MAP1A: variants seen among roughly 807,000 people sequenced by gnomAD.
The protein encoded by MAP1A is microtubule associated protein 1A, also known as microtubule-associated protein 1A.
Under a neutral mutation model 185.9 loss-of-function variants are expected in MAP1A, and 42 were observed. That is an observed-to-expected ratio of 0.23 (90% CI 0.18 to 0.29). MAP1A has a LOEUF of 0.29. Among genes scored for constraint, MAP1A ranks in the 10% least tolerant of loss-of-function variants. MAP1A has a pLI of 1.00. For synonymous variants in MAP1A, 1,229 were observed against 1,335.9 expected, an observed-to-expected ratio of 0.92 and a Z score of 1.74; for missense variants, 2,995 against 3,450.4, an observed-to-expected ratio of 0.87 and a Z score of 3.31.
In MAP1A at chr15:43,529,283, C is replaced by A; in HGVS notation, c.7810C>A (p.Arg2604=). The A allele has an allele frequency of 6.2e-7, 1 of 1,612,674 alleles. No individual in the cohort carries two copies. The highest frequency in any genetic ancestry group is 8.5e-7 in the Non-Finnish European group (1 of 1,179,458). Residue 2604 remains arginine (R), a synonymous_variant, in exon 4 of 6, where the codon CGA becomes AGA. Transcript: ENST00000300231. This position sits in a 1 kb window ranked among gnomAD's most constrained non-coding sequence, Gnocchi z 4.3. The part of the protein sequence containing the change: ...RLREKEKVQG[R]VGRRAPGKAK... The stretch of plus-strand genomic sequence containing the variant: ...ACGGGAGAAGGAAAAGGTTCAGGGG[C>A]GAGTAGGGCGCAGGGCCCCAGGCAA...
rs756868415 is a variant in MAP1A, at chr15:43,524,319, A to T, written c.2846A>T (p.Glu949Val). 1.2e-6 allele frequency: 2 copies of T among 1,614,238 alleles called. No individual in the cohort carries two copies. The highest frequency in any genetic ancestry group is 1.7e-6 in the Non-Finnish European group (2 of 1,180,030). ...EEEEEETANV[E>V]MSEKLCSQYG... ...GAAGAGGAGGAGACAGCAAACGTAG[A>T]GATGTCTGAGAAACTTTGCAGTCAA... Residue 949 changes from glutamate to valine, a missense_variant, in exon 4 of 6, where the codon GAG (glutamate) becomes GTG (valine). Transcript: ENST00000300231.
Position 43,521,138 on chromosome 15 carries a change from G to A in MAP1A, c.-151+26G>A. ...GTAAGTTCCATGCCAGAGTGTCTGG[G>A]AGAAAGGGTAGCACTAGAGCTGTGG... On this transcript the variant is annotated intron_variant, in intron 3 of 5. Transcript: ENST00000300231. This position sits in a 1 kb window ranked among gnomAD's most constrained non-coding sequence, Gnocchi z 4.6. 2 of 1,538,606 alleles carry A rather than the reference G, an allele frequency of 1.3e-6. No individual in the cohort carries two copies. The highest frequency in any genetic ancestry group is 1.2e-5 in the South Asian group (1 of 83,450).
chr15:43,528,286 G>A lies in MAP1A; in HGVS notation c.6813G>A (p.Val2271=). The part of the protein sequence containing the change: ...SEATTPVISS[V]AERFSPSLEA... ...CTACCACGCCTGTGATTTCAAGTGT[G>A]GCGGAGCGCTTCTCTCCAAGCCTTG... The change falls in exon 4 of 6, where the codon GTG becomes GTA. Residue 2271 remains valine (V), a synonymous_variant. Transcript: ENST00000300231. 17 of 1,614,076 alleles carry A rather than the reference G, an allele frequency of 1.1e-5. No individual in the cohort carries two copies. Among genetic ancestry groups the A allele is most frequent in the Non-Finnish European group, 1.3e-5 (15 of 1,180,042 alleles).
chr15:43,521,405 C>T lies in MAP1A; in HGVS notation c.-69C>T, dbSNP rs772288277. The T allele has an allele frequency of 2.9e-5, 47 of 1,613,882 alleles. No homozygotes were observed. Among genetic ancestry groups the T allele is most frequent in the Non-Finnish European group, 3.7e-5 (44 of 1,179,994 alleles). ...CTGCTTAGGGGAAGGTGATTGGAGCCACCTGGGATTATCCAGTTCCCAAGA... is the reference window on the plus strand; with the variant it reads ...CTGCTTAGGGGAAGGTGATTGGAGCTACCTGGGATTATCCAGTTCCCAAGA... On this transcript the variant is annotated 5_prime_UTR_variant, in exon 4 of 6. Transcript: ENST00000300231. The surrounding 1 kb of genome is among the most constrained non-coding windows in gnomAD (Gnocchi z 4.6).
chr15:43,513,174 A>T (rs2079288060), upstream of MAP1A, among the ~76,000 whole-genome samples: 1 of 151,894 alleles, frequency 6.6e-6, no homozygotes. Context: ...TAAAAAATAC[A>T]AAACTAGCTG....
In MAP1A at chr15:43,526,480, G is replaced by C; in HGVS notation, c.5007G>C (p.Pro1669=). The change falls in exon 4 of 6, where the codon CCG becomes CCC. Residue 1669 remains proline, a synonymous_variant. Coordinates refer to ENST00000300231, the MANE Select transcript of MAP1A (RefSeq NM_002373.6). The surrounding 1 kb of genome is among the most constrained non-coding windows in gnomAD (Gnocchi z 4.7). ...CTGGAGAACAGAAAGAGCTTGCCCC[G>C]GCATGGGAGGACACATCTCCTGAGC... is the stretch of plus-strand genomic sequence containing the variant. ...EPAGEQKELA[P]AWEDTSPEQD... 2 of 1,614,074 alleles carry C rather than the reference G, an allele frequency of 1.2e-6. No individual in the cohort carries two copies. Among genetic ancestry groups the C allele is most frequent in the Middle Eastern group, 1.6e-4 (1 of 6,062 alleles).
Position 43,511,142 on chromosome 15 carries a change from C to T in MAP1A, c.154C>T (p.Leu52=). 1.9e-6 allele frequency: 3 copies of T among 1,550,524 alleles called. No individual in the cohort carries two copies. The East Asian group carries it at 7.3e-5, about 38-fold the overall frequency. The stretch of plus-strand genomic sequence containing the variant: ...CGCGGTGGCGGCTGCACGCTGGGAC[C>T]TGCAGAAGCACTCTTTGCTAATTGT... Residue 52 remains leucine (L), a synonymous_variant, in exon 1 of 7, where the codon CTG becomes TTG. Coordinates refer to the MAP1A transcript ENST00000382031.
In MAP1A at chr15:43,530,409, T is replaced by A; in HGVS notation, c.*185T>A. 1.5e-6 allele frequency: 1 copy of A among 682,756 alleles called. No homozygotes were observed. The allele number at this position is 682,756 out of a possible 1,614,324, so 42.3% of individuals were successfully genotyped here. On this transcript the variant is annotated 3_prime_UTR_variant, in exon 6 of 6. Coordinates refer to ENST00000300231, the MANE Select transcript of MAP1A (RefSeq NM_002373.6). Reference sequence around the variant, plus strand: ...CTCCCCATCATCCATTCCTGTGAGGTGTCTCAAACCAAAGTTAACAGGGAG... The same window carrying A: ...CTCCCCATCATCCATTCCTGTGAGGAGTCTCAAACCAAAGTTAACAGGGAG...
rs1566979021 is a variant in MAP1A at position 43,527,679 on chromosome 15, T to G, written c.6206T>G (p.Leu2069Arg). Residue 2069 changes from leucine to arginine, a missense_variant, in exon 4 of 6, where the codon CTG becomes CGG. Leu to Arg is a moderately radical substitution (Grantham distance 102). Around this residue, in one of 3 missense-constraint regions of MAP1A, gnomAD observed 2,728 missense variants for 2,986.0 expected, o/e 0.91. Coordinates refer to ENST00000300231, the MANE Select transcript of MAP1A (RefSeq NM_002373.6). ...GCAGTTCCCCCCCGTGCTCCTATCC[T>G]GAGCAAAGGCCCAAGCCCCCCTCTT... is the stretch of plus-strand genomic sequence containing the variant. ...PPAVPPRAPILSKGPSPPLNG... is the reference protein window; with the variant it reads ...PPAVPPRAPIRSKGPSPPLNG... The G allele has an allele frequency of 6.3e-7, 1 of 1,581,266 alleles. No homozygotes were observed. The highest frequency in any genetic ancestry group is 8.6e-7 in the Non-Finnish European group (1 of 1,164,640).
Position 43,526,940 on chromosome 15 carries a change from C to T in MAP1A, c.5467C>T (p.Pro1823Ser), listed in dbSNP as rs1274989703. ...AGGACAAGAGAGTCCTATCCCAGAC[C>T]CTAAGCTCATGCCACACATGAAGAA... is the stretch of plus-strand genomic sequence containing the variant. The part of the protein sequence containing the change: ...APGQESPIPD[P>S]KLMPHMKNEP... The change falls in exon 4 of 6, where the codon CCT (proline) becomes TCT (serine). Residue 1823 changes from proline to serine, a missense_variant. Transcript: ENST00000300231. This position sits in a 1 kb window ranked among gnomAD's most constrained non-coding sequence, Gnocchi z 4.7. 1 of 1,613,932 alleles carries T rather than the reference C, an allele frequency of 6.2e-7. No homozygotes were observed. The highest frequency in any genetic ancestry group is 8.5e-7 in the Non-Finnish European group (1 of 1,179,894).
At position 43,523,173 on chromosome 15, in the gene MAP1A, G is replaced by T; in HGVS notation, c.1700G>T (p.Gly567Val). ...KPFPLDTAEE[G>V]PPSTAIQGTP... ...TTCCCTCTAGACACTGCAGAGGAGG[G>T]ACCCCCAAGTACAGCTATCCAGGGA... Residue 567 changes from glycine (G) to valine (V), a missense_variant, in exon 4 of 6, where the codon GGA (glycine) becomes GTA (valine). Physicochemically the swap from Gly to Val is moderately radical, Grantham distance 109 (BLOSUM62 -3). Coordinates refer to ENST00000300231, the MANE Select transcript of MAP1A (RefSeq NM_002373.6). 1 of 1,614,094 alleles carries T rather than the reference G, an allele frequency of 6.2e-7. No homozygotes were observed. The highest frequency in any genetic ancestry group is 8.5e-7 in the Non-Finnish European group (1 of 1,180,010).
At position 43,526,985 on chromosome 15, in the gene MAP1A, T is replaced by C; in HGVS notation, c.5512T>C (p.Trp1838Arg). ...HMKNEPTTPSWLADIPPWVPK... is the reference protein window; with the variant it reads ...HMKNEPTTPSRLADIPPWVPK... ...GAAGAATGAACCCACTACTCCCTCA[T>C]GGCTGGCTGACATCCCACCCTGGGT... Residue 1838 changes from tryptophan to arginine, a missense_variant, in exon 4 of 6, where the codon TGG (tryptophan) becomes CGG (arginine). Coordinates refer to ENST00000300231, the MANE Select transcript of MAP1A (RefSeq NM_002373.6). This position sits in a 1 kb window ranked among gnomAD's most constrained non-coding sequence, Gnocchi z 4.7. The C allele has an allele frequency of 6.2e-7, 1 of 1,613,070 alleles. No individual in the cohort carries two copies. The highest frequency in any genetic ancestry group is 8.5e-7 in the Non-Finnish European group (1 of 1,179,426).
At chr15:43,511,070 G>A (rs1483610920) in exon 1 of MAP1A, 1 of 1,549,564 alleles carries the variant, frequency 6.5e-7, no homozygotes, top group African/African-American at 1.4e-5. Flanking sequence ...AAGTCCCGGC[G>A]CACCGCTGGC....
At position 43,524,249 on chromosome 15, in the gene MAP1A, G is replaced by C; in HGVS notation, c.2776G>C (p.Glu926Gln). The C allele has an allele frequency of 6.2e-7, 1 of 1,614,236 alleles. No individual in the cohort carries two copies. The highest frequency in any genetic ancestry group is 8.5e-7 in the Non-Finnish European group (1 of 1,180,048). ...SVTGESEKRG[E>Q]IIGKGLSGER... ...GACTGGGGAGTCAGAGAAGAGAGGA[G>C]AGATCATAGGGAAAGGCTTGTCTGG... Residue 926 changes from glutamate to glutamine, a missense_variant, in exon 4 of 6, where the codon GAG becomes CAG. Physicochemically the swap from Glu to Gln is conservative, Grantham distance 29. Transcript: ENST00000300231.
At position 43,521,038 on chromosome 15, in the gene MAP1A, C is replaced by G; in HGVS notation, c.-225C>G. On this transcript the variant is annotated 5_prime_UTR_variant, in exon 3 of 6. Coordinates refer to ENST00000300231, the MANE Select transcript of MAP1A (RefSeq NM_002373.6). The surrounding 1 kb of genome is among the most constrained non-coding windows in gnomAD (Gnocchi z 4.6). ...AATCTTGAGTGGGCAAAGTTTAGAGCCTGGGGGAGACCTCATCCTACAGAG... is the reference window on the plus strand; with the variant it reads ...AATCTTGAGTGGGCAAAGTTTAGAGGCTGGGGGAGACCTCATCCTACAGAG... The G allele has an allele frequency of 1.3e-6, 2 of 1,550,148 alleles. No individual in the cohort carries two copies. Among genetic ancestry groups the G allele is most frequent in the African/African-American group, 1.4e-5 (1 of 73,114 alleles).
In MAP1A at chr15:43,522,945, C is replaced by T. The variant is rs2079325834; in HGVS notation, c.1472C>T (p.Ala491Val). ...PGRVKIDRSR[A>V]IRGEKELSSE... ...AGAGTCAAAATAGACAGGAGCCGTG[C>T]TATCCGTGGGGAGAAGGAGCTGTCT... The change falls in exon 4 of 6, where the codon GCT becomes GTT. Residue 491 changes from alanine (A) to valine (V), a missense_variant. By Grantham distance (64) the Ala-to-Val change is moderately conservative (BLOSUM62 0). Around this residue, in one of 3 missense-constraint regions of MAP1A, gnomAD observed 2,728 missense variants for 2,986.0 expected, o/e 0.91. Coordinates refer to ENST00000300231, the MANE Select transcript of MAP1A (RefSeq NM_002373.6). This position sits in a 1 kb window ranked among gnomAD's most constrained non-coding sequence, Gnocchi z 5.9. 1 of 1,613,976 alleles carries T rather than the reference C, an allele frequency of 6.2e-7. No individual in the cohort carries two copies. The highest frequency in any genetic ancestry group is 8.5e-7 in the Non-Finnish European group (1 of 1,179,996).
At position 43,526,311 on chromosome 15, in the gene MAP1A, C is replaced by G; in HGVS notation, c.4838C>G (p.Ala1613Gly). The stretch of plus-strand genomic sequence containing the variant: ...AAGGCCATGGAAGAGAAGTTAGAAG[C>G]TCTTCTGGAGAAGACCAAAGCTCTG... ...KVKAMEEKLE[A>G]LLEKTKALGL... Residue 1613 changes from alanine (A) to glycine (G), a missense_variant, in exon 4 of 6, where the codon GCT (alanine) becomes GGT (glycine). Ala to Gly is a moderately conservative substitution (Grantham distance 60). Coordinates refer to ENST00000300231, the MANE Select transcript of MAP1A (RefSeq NM_002373.6). The surrounding 1 kb of genome is among the most constrained non-coding windows in gnomAD (Gnocchi z 4.7). 1 of 1,614,052 alleles carries G rather than the reference C, an allele frequency of 6.2e-7. No homozygotes were observed. The highest frequency in any genetic ancestry group is 8.5e-7 in the Non-Finnish European group (1 of 1,180,018).
At position 43,525,614 on chromosome 15, in the gene MAP1A, G is replaced by C. The variant is rs758846305; in HGVS notation, c.4141G>C (p.Glu1381Gln). ...AACTCTGGAGCACAAGGAGGTGGTA[G>C]AGCCGAAGGATACAGCCATCTATCA... ...DKTLEHKEVV[E>Q]PKDTAIYQKD... The change falls in exon 4 of 6, where the codon GAG becomes CAG. Residue 1381 changes from glutamate (E) to glutamine (Q), a missense_variant. Physicochemically the swap from Glu to Gln is conservative, Grantham distance 29 (BLOSUM62 2). This residue lies in a region of MAP1A where 2,728 missense variants were observed against 2,986.0 expected (regional missense o/e 0.91). Coordinates refer to ENST00000300231, the MANE Select transcript of MAP1A (RefSeq NM_002373.6). 5 of 1,614,144 alleles carry C rather than the reference G, an allele frequency of 3.1e-6. No homozygotes were observed. The highest frequency in any genetic ancestry group is 2.2e-5 in the East Asian group (1 of 44,886).
At position 43,526,290 on chromosome 15, in the gene MAP1A, C is replaced by T. The variant is rs750022307; in HGVS notation, c.4817C>T (p.Ala1606Val). 2 of 1,614,038 alleles carry T rather than the reference C, an allele frequency of 1.2e-6. No individual in the cohort carries two copies. Among genetic ancestry groups the T allele is most frequent in the East Asian group, 4.5e-5 (2 of 44,872 alleles). The change falls in exon 4 of 6, where the codon GCC becomes GTC. Residue 1606 changes from alanine to valine, a missense_variant. Physicochemically the swap from Ala to Val is moderately conservative, Grantham distance 64. Around this residue, in one of 3 missense-constraint regions of MAP1A, gnomAD observed 2,728 missense variants for 2,986.0 expected, o/e 0.91. Coordinates refer to ENST00000300231, the MANE Select transcript of MAP1A (RefSeq NM_002373.6). This position sits in a 1 kb window ranked among gnomAD's most constrained non-coding sequence, Gnocchi z 4.7. ...LEEKSPEKVKAMEEKLEALLE... is the reference protein window; with the variant it reads ...LEEKSPEKVKVMEEKLEALLE... ...GAAAAATCCCCAGAAAAGGTCAAGG[C>T]CATGGAAGAGAAGTTAGAAGCTCTT...
Sources: allele counts gnomAD v4.1 joint callset (sites outside exome capture counted in the v4.1 genomes callset), GRCh38; gene constraint gnomAD v4.1.1; regional missense constraint gnomAD v4.1.1; non-coding constraint Gnocchi (gnomAD v3.1); transcripts MANE v1.5; gene names NCBI Gene and HGNC (gene_info 2026-07-23, HGNC 2026-07-21).